The following SCN1B variants were observed in gnomAD, a reference collection of about 807,000 sequenced individuals.
SCN1B encodes the protein sodium channel regulatory subunit beta-1.
SCN1B carries 11 observed loss-of-function variants against 25.7 expected under a neutral mutation model. The ratio of observed to expected loss-of-function variants is 0.43; its 90% CI spans 0.27 to 0.71. The LOEUF is 0.71. Among genes scored for constraint, SCN1B ranks in the 30% least tolerant of loss-of-function variants. SCN1B has a pLI of 0.21. For missense variants in SCN1B, 224 were observed against 291.5 expected (o/e 0.77, Z 1.69); for synonymous variants, 119 against 117.5 (o/e 1.01, Z -0.08).
chr19:35,030,795 G>C lies in SCN1B; in HGVS notation c.-26G>C, dbSNP rs1057520587. On this transcript the variant is annotated 5_prime_UTR_variant, in exon 1 of 6. Transcript: ENST00000262631. ...GCTATTAATACCGGCGGCCCGGGAG[G>C]GGGGCGCAGCACGCGCCGCGCAGCC... 19 of 1,020,846 alleles carry C rather than the reference G, an allele frequency of 1.9e-5. No individual in the cohort carries two copies. The East Asian group carries it at 3.4e-4, about 18-fold the overall frequency. 63.2% of individuals were successfully genotyped at this position (1,020,846 alleles called of 1,614,324 possible).
At chr19:35,037,125 T>C (rs2064252914) in intron 3 of SCN1B, 1 of 152,130 alleles carries the variant, frequency 6.6e-6, no homozygotes, top group Non-Finnish European at 1.5e-5. Context: ...TGCCTCCTGG[T>C]AATGACCCCT....
intron 3 of SCN1B, chr19:35,033,960 C>A: frequency 6.4e-7 from 1 of 1,552,888 alleles, no homozygotes; most frequent in South Asian, 1.2e-5. Flanking sequence ...CTGTCCCCCA[C>A]AGACGCTCCG....
At chr19:35,037,991 T>G (rs746795196) in intron 3 of SCN1B, 4 of 151,288 alleles carry the variant, frequency 2.6e-5, no homozygotes, top group African/African-American at 7.3e-5. Context: ...AAAGAATGAA[T>G]GAAGGAAGGA....
chr19:35,035,874 G>GT (rs1171009894), intron 3 of SCN1B: 1 of 151,554 alleles, frequency 6.6e-6, no homozygotes, highest in Non-Finnish European at 1.5e-5. Flanking sequence ...ACAGTTTTTT[G>GT]TTTTTTGTTA....
intron 3 of SCN1B, 133 bp downstream of exon 3, chr19:35,033,872 G>A: frequency 6.2e-7 from 1 of 1,607,044 alleles, no homozygotes; most frequent in Non-Finnish European, 8.5e-7. Context: ...CGGGCTGAGG[G>A]GGAGGGGAGC....
chr19:35,031,498 A>C (rs1232333088), intron 1 of SCN1B: 2 of 152,226 alleles, frequency 1.3e-5, no homozygotes, highest in African/African-American at 4.8e-5. Context: ...TCTTGCATGG[A>C]GTTTGAAAAG....
chr19:35,038,819 A>G, intron 3 of SCN1B: 1 of 465,482 alleles, frequency 2.1e-6, no homozygotes, highest in South Asian at 2.0e-5. Flanking sequence ...AAGGTCACAC[A>G]GCTGGCCAGT....
In SCN1B at chr19:35,033,750, T is replaced by C. The variant is rs760869444; in HGVS notation, c.448+11T>C. 4 of 1,613,870 alleles carry C rather than the reference T, an allele frequency of 2.5e-6. No individual in the cohort carries two copies. Among genetic ancestry groups the C allele is most frequent in the Middle Eastern group, 3.3e-4 (2 of 6,062 alleles). On this transcript the variant is annotated intron_variant, in intron 3 of 5. Transcript: ENST00000262631. ...AGGTAGTGGACAAAGGTGAGTCGGGTGCTGCCTGCCCCTTTACCGTCACCC... is the reference window on the plus strand; with the variant it reads ...AGGTAGTGGACAAAGGTGAGTCGGGCGCTGCCTGCCCCTTTACCGTCACCC...
At chr19:35,036,729 A>G (rs7260335) in intron 3 of SCN1B, 151,075 of 151,310 alleles carry the variant, frequency 1, 75,422 homozygotes, top group Non-Finnish European at 1. Context: ...TACCATGCCC[A>G]GCCTATTATT....
At position 35,032,608 on chromosome 19, in the gene SCN1B, A is replaced by G. The variant is rs72552028; in HGVS notation, c.121A>G (p.Ile41Val). The G allele has an allele frequency of 1.2e-4, 198 of 1,614,164 alleles. No homozygotes were observed. Among genetic ancestry groups the G allele is most frequent in the Non-Finnish European group, 1.5e-4 (174 of 1,180,042 alleles). The change falls in exon 2 of 6, where the codon ATC becomes GTC. Residue 41 changes from isoleucine (I) to valine (V), a missense_variant. Physicochemically the swap from Ile to Val is conservative, Grantham distance 29. Transcript: ENST00000262631. The surrounding 1 kb of genome is among the most constrained non-coding windows in gnomAD (Gnocchi z 4.3). ...TGGGATGACCTTCAAAATTCTTTGC[A>G]TCTCCTGCAAGCGCCGCAGCGAGAC... is the stretch of plus-strand genomic sequence containing the variant. ...VYGMTFKILC[I>V]SCKRRSETNA...
In SCN1B at chr19:35,030,584, C is replaced by T; in HGVS notation, c.-237C>T. On this transcript the variant is annotated 5_prime_UTR_variant, in exon 1 of 6. Coordinates refer to ENST00000262631, the MANE Select transcript of SCN1B (RefSeq NM_001037.5). The stretch of plus-strand genomic sequence containing the variant: ...CGCGCCAGCGCAGCAGCCCGAGCAG[C>T]GGCCGCCGCCCGCGCGGCGGGGATG... 1 of 150,720 alleles carries T rather than the reference C, an allele frequency of 6.6e-6. No homozygotes were observed. 9.3% of individuals were successfully genotyped at this position (150,720 alleles called of 1,614,324 possible).
At chr19:35,033,097 AT>A in intron 2 of SCN1B, among the ~76,000 whole-genome samples, 1 of 152,248 alleles carries the variant, frequency 6.6e-6, no homozygotes, top group East Asian at 1.9e-4. Context: ...ATTTTGCATT[AT>A]ATATCGGTGA....
intron 2 of SCN1B, among the ~76,000 whole-genome samples, chr19:35,033,082 T>G (rs749680788): frequency 6.6e-6 from 1 of 152,004 alleles, no homozygotes; most frequent in Non-Finnish European, 1.5e-5. Context: ...TTAAACTATG[T>G]GTGTATTTTG....
Position 35,039,101 on chromosome 19 carries a change from T to C in SCN1B, c.449-16T>C. On this transcript the variant is annotated splice_polypyrimidine_tract_variant and intron_variant, in intron 3 of 5. Transcript: ENST00000262631. ...GCAGCCTGGGCTACCCCCTTAACCC[T>C]GCCTGGCCCCTGCAGCCAACAGAGA... The C allele has an allele frequency of 1.2e-6, 2 of 1,614,078 alleles. No homozygotes were observed. The highest frequency in any genetic ancestry group is 1.7e-6 in the Non-Finnish European group (2 of 1,179,996).
At position 35,032,381 on chromosome 19, in the gene SCN1B, G is replaced by A. The variant is rs914825430; in HGVS notation, c.41-147G>A. 1 of 826,834 alleles carries A rather than the reference G, an allele frequency of 1.2e-6. No individual in the cohort carries two copies. Among genetic ancestry groups the A allele is most frequent in the Non-Finnish European group, 2.0e-6 (1 of 510,304 alleles). The allele number at this position is 826,834 out of a possible 1,614,324, so 51.2% of individuals were successfully genotyped here. Reference sequence around the variant, plus strand: ...GACTCAGGGATGAATGACTTGCTGAGGTCACGCAGTGAGTGACAGGGCTCA... The same window carrying A: ...GACTCAGGGATGAATGACTTGCTGAAGTCACGCAGTGAGTGACAGGGCTCA... On this transcript the variant is annotated intron_variant, in intron 1 of 5. Coordinates refer to ENST00000262631, the MANE Select transcript of SCN1B (RefSeq NM_001037.5). The surrounding 1 kb of genome is among the most constrained non-coding windows in gnomAD (Gnocchi z 4.3).
At position 35,040,143 on chromosome 19, in the gene SCN1B, C is replaced by T. The variant is rs1600372136; in HGVS notation, c.*352C>T. Reference sequence around the variant, plus strand: ...TTGCACACATTGGCCGCTTCAGACACGCACTTCTGGGGCCAGCCCCTCCCC... The same window carrying T: ...TTGCACACATTGGCCGCTTCAGACATGCACTTCTGGGGCCAGCCCCTCCCC... On this transcript the variant is annotated 3_prime_UTR_variant, in exon 6 of 6. Transcript: ENST00000262631. 1 of 198,086 alleles carries T rather than the reference C, an allele frequency of 5.0e-6. No homozygotes were observed. The highest frequency in any genetic ancestry group is 1.3e-4 in the East Asian group (1 of 7,962). 12.3% of individuals were successfully genotyped at this position (198,086 alleles called of 1,614,324 possible).
rs1060501166 is a variant in SCN1B at position 35,033,546 on chromosome 19, C to G, written c.255C>G (p.Arg85=). 8.1e-6 allele frequency: 13 copies of G among 1,613,904 alleles called. No individual in the cohort carries two copies. The highest frequency in any genetic ancestry group is 1.6e-4 in the Middle Eastern group (1 of 6,084). The part of the protein sequence containing the change: ...NEVLQLEEDE[R]FEGRVVWNGS... ...TGTTGCAGCTGGAGGAGGATGAGCG[C>G]TTCGAGGGCCGCGTGGTGTGGAATG... Residue 85 remains arginine, a synonymous_variant, in exon 3 of 6, where the codon CGC becomes CGG. Transcript: ENST00000262631.
rs2305748 is a variant in SCN1B, at chr19:35,039,234, C to T, written c.566C>T (p.Thr189Met). The T allele has an allele frequency of 7.4e-5, 120 of 1,613,886 alleles. No homozygotes were observed. In the East Asian group the frequency reaches 1.8e-3, roughly 24 times the overall value. Residue 189 changes from threonine to methionine, a missense_variant, in exon 4 of 6, where the codon ACG becomes ATG. Coordinates refer to ENST00000262631, the MANE Select transcript of SCN1B (RefSeq NM_001037.5). Reference protein sequence around the residue: ...IYCYKKIAAATETAAQENASE... With the variant: ...IYCYKKIAAAMETAAQENASE... ...TGCTACAAGAAGATCGCTGCCGCCA[C>T]GGAGACTGCTGCACAGGAGAATGCG... is the stretch of plus-strand genomic sequence containing the variant.
intron 4 of SCN1B, 131 bp from the exon 5 acceptor site, chr19:35,039,504 C>G (rs1600371266): frequency 2.0e-6 from 2 of 1,018,540 alleles, no homozygotes; most frequent in East Asian, 5.2e-5. Flanking sequence ...AGGAGTCCAC[C>G]CATAGACTCC....
Sources: gnomAD v4.1 joint callset for allele counts (sites outside exome capture counted in the v4.1 genomes callset) on GRCh38, gnomAD v4.1.1 for gene constraint, Gnocchi (gnomAD v3.1) non-coding constraint, MANE v1.5 for transcripts, NCBI Gene and HGNC (gene_info 2026-07-23, HGNC 2026-07-21) for gene names.